The following CRACR2A variants were observed in gnomAD, a reference collection of about 807,000 sequenced individuals.
CRACR2A encodes the protein calcium release activated channel regulator 2A.
In CRACR2A, 79 loss-of-function variants were observed where a neutral mutation model predicts 90.5. The ratio of observed to expected loss-of-function variants is 0.87; its 90% CI spans 0.73 to 1.05. The LOEUF (loss-of-function observed/expected upper bound fraction) is 1.05. Ranked by LOEUF, CRACR2A falls within the 50% of genes least tolerant of loss-of-function variation. The probability of loss-of-function intolerance (pLI) is 0.00; values close to 1 mark genes in which losing one functional copy is unlikely to be tolerated. For synonymous variants in CRACR2A, 338 were observed against 356.7 expected (o/e 0.95, Z 0.59); for missense variants, 823 against 897.2 (o/e 0.92, Z 1.06).
intron 1 of CRACR2A, among the ~76,000 whole-genome samples, chr12:3,748,192 C>T (rs1187496639): frequency 6.6e-6 from 1 of 152,212 alleles, no homozygotes; most frequent in Admixed American, 6.5e-5. Flanking sequence ...CATTTTTCCA[C>T]CCCCAGGCAG....
At chr12:3,710,368 C>G (rs991312290) in intron 3 of CRACR2A, among the ~76,000 whole-genome samples, 2 of 152,104 alleles carry the variant, frequency 1.3e-5, no homozygotes, top group African/African-American at 4.8e-5. Context: ...GGCCTATAAA[C>G]AATAGACATT....
chr12:3,722,238 T>C (rs1173534788), intron 2 of CRACR2A, among the ~76,000 whole-genome samples: 3 of 152,226 alleles, frequency 2.0e-5, no homozygotes, highest in Non-Finnish European at 4.4e-5. Flanking sequence ...TTGCAGGTTA[T>C]AAGGAGTCAT....
At chr12:3,622,292 C>T (rs994117601) in intron 17 of CRACR2A, among the ~76,000 whole-genome samples, 1 of 152,220 alleles carries the variant, frequency 6.6e-6, no homozygotes, top group Non-Finnish European at 1.5e-5. Context: ...TTAGCTCCTT[C>T]ATCAGGCACA....
chr12:3,627,711 A>G lies in CRACR2A; in HGVS notation c.1736-5T>C. On this transcript the variant is annotated splice_region_variant and splice_polypyrimidine_tract_variant and intron_variant, in intron 15 of 19. Coordinates refer to ENST00000440314, the MANE Select transcript of CRACR2A (RefSeq NM_001144958.2). ...TCTTCACACGGTAATCAATGCCTGC[A>G]GGGTGAAATGGGCCTGTCAGGGCTG... 6.4e-7 allele frequency: 1 copy of G among 1,551,752 alleles called. No individual in the cohort carries two copies. Among genetic ancestry groups the G allele is most frequent in the Non-Finnish European group, 8.7e-7 (1 of 1,146,992 alleles).
chr12:3,670,183 G>A (rs760419778), intron 7 of CRACR2A, among the ~76,000 whole-genome samples: 2 of 152,168 alleles, frequency 1.3e-5, no homozygotes, highest in South Asian at 2.1e-4. Context: ...ACTGTGTTCC[G>A]CCTGGTGCCT....
intron 2 of CRACR2A, among the ~76,000 whole-genome samples, chr12:3,718,352 A>T (rs1425905934): frequency 1.3e-5 from 2 of 152,170 alleles, no homozygotes; most frequent in Non-Finnish European, 2.9e-5. Flanking sequence ...CTGGGTGAAG[A>T]CACCTTTGTG....
In CRACR2A at chr12:3,621,936, C is replaced by T. The variant is rs987300095; in HGVS notation, c.1933-2564G>A. On this transcript the variant is annotated intron_variant, in intron 17 of 19. Coordinates refer to ENST00000440314, the MANE Select transcript of CRACR2A (RefSeq NM_001144958.2). ...AGACCAGGGAGTGTGCTAACTATCA[C>T]AGTCAGTCACCATCACCCTGGCCCA... 2.0e-5 allele frequency among the ~76,000 whole-genome samples: 3 copies of T among 152,034 alleles called. No homozygotes were observed. In the South Asian group the frequency reaches 6.2e-4, roughly 32 times the overall value.
In CRACR2A at chr12:3,627,684, C is replaced by G. The variant is rs377622248; in HGVS notation, c.1758G>C (p.Thr586=). The stretch of plus-strand genomic sequence containing the variant: ...CCACCTGAGAGTTGTCCACATTCAA[C>G]GTCTTCACACGGTAATCAATGCCTG... ...ATVGIDYRVK[T]LNVDNSQVAL... The change falls in exon 16 of 20, where the codon ACG becomes ACC. Residue 586 remains threonine, a synonymous_variant. Transcript: ENST00000440314. 1 of 1,551,672 alleles carries G rather than the reference C, an allele frequency of 6.4e-7. No individual in the cohort carries two copies. The highest frequency in any genetic ancestry group is 2.4e-5 in the East Asian group (1 of 40,928).
intron 2 of CRACR2A, chr12:3,726,714 A>G (rs1470190157): frequency 6.6e-6 from 1 of 152,184 alleles, no homozygotes; most frequent in Non-Finnish European, 1.5e-5. Context: ...GTGTAGCGTC[A>G]TGATAATTTA....
intron 2 of CRACR2A, among the ~76,000 whole-genome samples, chr12:3,725,464 C>T (rs905450879): frequency 6.6e-6 from 1 of 152,186 alleles, no homozygotes; most frequent in African/African-American, 2.4e-5. Context: ...CTGTGTGTCT[C>T]TTTATGAAGA....
chr12:3,681,630 A>G (rs745532175), intron 4 of CRACR2A, among the ~76,000 whole-genome samples: 23 of 152,260 alleles, frequency 1.5e-4, no homozygotes, highest in Admixed American at 6.5e-5. Flanking sequence ...CCTAAGCGGT[A>G]ACCGTGCGAA....
chr12:3,691,952 T>C (rs990742825), intron 4 of CRACR2A, among the ~76,000 whole-genome samples: 1 of 152,254 alleles, frequency 6.6e-6, no homozygotes, highest in African/African-American at 2.4e-5. Context: ...TTAATACTTG[T>C]GATTGAATCA....
intron 3 of CRACR2A, among the ~76,000 whole-genome samples, chr12:3,707,044 C>T (rs948766776): frequency 2.0e-5 from 3 of 152,188 alleles, no homozygotes; most frequent in South Asian, 2.1e-4. Context: ...GTCCAAAAAT[C>T]TACCCTTGAC....
chr12:3,673,335 G>A (rs1407707382), intron 7 of CRACR2A, 111 bp downstream of exon 7: 1 of 1,358,192 alleles, frequency 7.4e-7, no homozygotes, highest in East Asian at 2.3e-5. Context: ...TTGGCAGACA[G>A]CAAAAGGAGG....
At chr12:3,750,729 C>T (rs962765129) in intron 1 of CRACR2A, among the ~76,000 whole-genome samples, 14 of 152,172 alleles carry the variant, frequency 9.2e-5, no homozygotes, top group South Asian at 4.1e-4. Flanking sequence ...GAATCCCTCA[C>T]TAGCTCTCCC....
intron 10 of CRACR2A, among the ~76,000 whole-genome samples, chr12:3,649,239 G>GTTAA (rs1555108937): frequency 6.7e-6 from 1 of 148,996 alleles, no homozygotes; most frequent in Non-Finnish European, 1.5e-5. Context: ...ACAATAATAA[G>GTTAA]ATAAATAAAT....
At chr12:3,673,634 GCTTCA>G (rs1430530421) in intron 6 of CRACR2A, 42 bp from the exon 7 acceptor site, 2 of 1,600,032 alleles carry the variant, frequency 1.2e-6, no homozygotes, top group Non-Finnish European at 1.7e-6. Context: ...TGGAGATGAG[GCTTCA>G]CGGGAAATAC....
At chr12:3,717,512 C>T (rs748236880) in intron 2 of CRACR2A, among the ~76,000 whole-genome samples, 3 of 152,126 alleles carry the variant, frequency 2.0e-5, no homozygotes, top group Non-Finnish European at 2.9e-5. Context: ...CCTACCACTG[C>T]GATCCGGGCT....
intron 1 of CRACR2A, among the ~76,000 whole-genome samples, chr12:3,737,987 G>A (rs557242932): frequency 6.6e-6 from 1 of 152,230 alleles, no homozygotes; most frequent in Non-Finnish European, 1.5e-5. Flanking sequence ...ATGTCCTGTG[G>A]GGTGGGGTGC....
Sources: gnomAD v4.1 joint callset for allele counts (sites outside exome capture counted in the v4.1 genomes callset) on GRCh38, gnomAD v4.1.1 for gene constraint, MANE v1.5 for transcripts, NCBI Gene and HGNC (gene_info 2026-07-23, HGNC 2026-07-21) for gene names.